Variants in ZNG1E observed in about 807,000 individuals in gnomAD.
The protein encoded by ZNG1E is zinc-regulated GTPase metalloprotein activator 1E.
chr9:65,658,067 C>A, the ZNG1E span, among the ~76,000 whole-genome samples: 1 of 151,456 alleles, frequency 6.6e-6, no homozygotes, highest in Non-Finnish European at 1.5e-5. Context: ...CCATTGCACT[C>A]CAGCCTGGGC....
chr9:65,712,092 T>C, the ZNG1E span, among the ~76,000 whole-genome samples: 1 of 148,504 alleles, frequency 6.7e-6, no homozygotes, highest in East Asian at 1.9e-4. Context: ...GGAGGGTGTA[T>C]GTGTCAAGGA....
chr9:65,660,345 C>A, the ZNG1E span, among the ~76,000 whole-genome samples: 2 of 134,962 alleles, frequency 1.5e-5, no homozygotes, highest in African/African-American at 6.2e-5. Flanking sequence ...AATAAAAACT[C>A]ATTAAAAATT....
the ZNG1E span, among the ~76,000 whole-genome samples, chr9:65,657,874 G>A: frequency 2.6e-5 from 4 of 152,382 alleles, no homozygotes; most frequent in East Asian, 7.7e-4. Flanking sequence ...GCTGAGGCGG[G>A]CAGATCACCT....
At chr9:65,678,425 A>C in the ZNG1E span, among the ~76,000 whole-genome samples, 3 of 141,000 alleles carry the variant, frequency 2.1e-5, no homozygotes, top group East Asian at 5.9e-4. Context: ...TAGTTGTAGG[A>C]AGATCTAGTT....
chr9:65,678,621 A>G, the ZNG1E span, among the ~76,000 whole-genome samples: 1 of 142,814 alleles, frequency 7.0e-6, no homozygotes, highest in Non-Finnish European at 1.5e-5. Context: ...TTTTTCCTCT[A>G]TGAATTTTAG....
chr9:65,664,890 ATACTAGGG>A, the ZNG1E span, among the ~76,000 whole-genome samples: 1 of 152,184 alleles, frequency 6.6e-6, no homozygotes, highest in African/African-American at 2.4e-5. Context: ...TTTAGTAAAG[ATACTAGGG>A]GCATTTTGCC....
chr9:65,719,335 T>A, the ZNG1E span: 1 of 137,938 alleles, frequency 7.2e-6, no homozygotes, highest in Non-Finnish European at 1.5e-5. Context: ...TGTTACTAAT[T>A]TACCCCTCAC....
At chr9:65,684,550 G>GCACGCACACACACA in the ZNG1E span, among the ~76,000 whole-genome samples, 16 of 132,838 alleles carry the variant, frequency 1.2e-4, no homozygotes, top group South Asian at 7.5e-4. Context: ...ACACACGCAC[G>GCACGCACACACACA]CACACACACA....
At chr9:65,670,720 CT>C in the ZNG1E span, among the ~76,000 whole-genome samples, 1 of 136,862 alleles carries the variant, frequency 7.3e-6, no homozygotes, top group Non-Finnish European at 1.6e-5. Flanking sequence ...AATCTATAGC[CT>C]GCTACCATTT....
the ZNG1E span, among the ~76,000 whole-genome samples, chr9:65,662,610 A>G: frequency 1.3e-5 from 2 of 151,836 alleles, no homozygotes; most frequent in African/African-American, 4.8e-5. Context: ...GGAAAACGGC[A>G]ATGGATTAAT....
At chr9:65,717,991 CT>C in the ZNG1E span, among the ~76,000 whole-genome samples, 1 of 142,938 alleles carries the variant, frequency 7.0e-6, no homozygotes, top group South Asian at 2.3e-4. Flanking sequence ...TTGGCCTTTT[CT>C]TTTTTTTATA....
the ZNG1E span, among the ~76,000 whole-genome samples, chr9:65,672,659 G>A: frequency 4.7e-5 from 7 of 150,228 alleles, no homozygotes; most frequent in South Asian, 2.1e-4. Flanking sequence ...CAGGAGAATC[G>A]CTTGAACCCA....
chr9:65,668,375 G>A, the ZNG1E span, among the ~76,000 whole-genome samples: 1 of 136,698 alleles, frequency 7.3e-6, no homozygotes, highest in Non-Finnish European at 1.5e-5. Context: ...GTGAAGGGAA[G>A]TAAAATTGAG....
the ZNG1E span, among the ~76,000 whole-genome samples, chr9:65,676,562 C>A: frequency 2.0e-5 from 3 of 149,336 alleles, no homozygotes; most frequent in Admixed American, 1.3e-4. Flanking sequence ...ACACGTGGGG[C>A]TTTCGTCAGC....
the ZNG1E span, among the ~76,000 whole-genome samples, chr9:65,717,946 C>T: frequency 4.1e-5 from 6 of 146,026 alleles, no homozygotes; most frequent in African/African-American, 1.6e-4. Context: ...CTCAGCCTCC[C>T]AAAGTAATGG....
the ZNG1E span, among the ~76,000 whole-genome samples, chr9:65,660,174 A>G: frequency 7.3e-6 from 1 of 136,532 alleles, no homozygotes; most frequent in Admixed American, 7.7e-5. Context: ...AATTTCCAAC[A>G]CAGAGCAGAT....
At chr9:65,709,890 A>C in the ZNG1E span, among the ~76,000 whole-genome samples, 1 of 151,702 alleles carries the variant, frequency 6.6e-6, no homozygotes, top group Non-Finnish European at 1.5e-5. Flanking sequence ...GGCTGGGTCA[A>C]ATGGTATTTC....
At chr9:65,681,000 G>C in the ZNG1E span, among the ~76,000 whole-genome samples, 659 of 151,968 alleles carry the variant, frequency 4.3e-3, 1 homozygote, top group African/African-American at 0.015. Flanking sequence ...GTGTTAGCGA[G>C]GGTGGTCTCG....
the ZNG1E span, among the ~76,000 whole-genome samples, chr9:65,687,608 T>A: frequency 6.6e-6 from 1 of 151,032 alleles, no homozygotes; most frequent in Non-Finnish European, 1.5e-5. Flanking sequence ...AGTATTATAG[T>A]CTCTGAGTTT....
Sources: gnomAD v4.1 joint callset for allele counts (sites outside exome capture counted in the v4.1 genomes callset) on GRCh38, gnomAD v4.1.1 for gene constraint, MANE v1.5 for transcripts, NCBI Gene and HGNC (gene_info 2026-07-23, HGNC 2026-07-21) for gene names.